UBR3: variants seen among roughly 807,000 people sequenced by gnomAD.
The protein encoded by UBR3 is E3 ubiquitin-protein ligase UBR3.
Under a neutral mutation model 243.2 loss-of-function variants are expected in UBR3, and 85 were observed. That is an observed-to-expected ratio of 0.35 (90% CI 0.29 to 0.42). The LOEUF (loss-of-function observed/expected upper bound fraction) is 0.42. Among genes scored for constraint, UBR3 ranks in the 10% least tolerant of loss-of-function variants. UBR3 has a pLI of 1.00. For synonymous variants in UBR3, 748 were observed against 799.8 expected, an observed-to-expected ratio of 0.94 and a Z score of 1.09; for missense variants, 1,686 against 2,300.8, an observed-to-expected ratio of 0.73 and a Z score of 5.47.
intron 32 of UBR3, among the ~76,000 whole-genome samples, chr2:170,054,283 C>CT (rs746480476): frequency 0.076 from 10,534 of 138,838 alleles, 431 homozygotes; most frequent in Non-Finnish European, 0.1. Flanking sequence ...CCACACCCAG[C>CT]TTTTTTTTTT....
At chr2:170,081,467 T>C (rs1165847166) in intron 38 of UBR3, among the ~76,000 whole-genome samples, 1 of 151,564 alleles carries the variant, frequency 6.6e-6, no homozygotes, top group African/African-American at 2.4e-5. Context: ...GCCACTGCAC[T>C]CCAGCCTGGG....
chr2:169,911,455 A>T (rs1177721654), intron 10 of UBR3, among the ~76,000 whole-genome samples: 1 of 152,134 alleles, frequency 6.6e-6, no homozygotes. Flanking sequence ...TTATTTTTAC[A>T]TGTGGAGAAA....
chr2:169,904,162 T>C (rs1281360561), intron 8 of UBR3, among the ~76,000 whole-genome samples: 1 of 152,188 alleles, frequency 6.6e-6, no homozygotes, highest in Non-Finnish European at 1.5e-5. Flanking sequence ...TATTTTATTG[T>C]CTCTCAAAAG....
intron 8 of UBR3, among the ~76,000 whole-genome samples, chr2:169,898,669 CTT>C (rs561412467): frequency 1.4e-4 from 18 of 128,088 alleles, no homozygotes; most frequent in Non-Finnish European, 1.8e-4. Context: ...ACTTCTTCAC[CTT>C]TTTTTTTTTT....
intron 30 of UBR3, among the ~76,000 whole-genome samples, chr2:170,017,524 CACACACACACACACACACACAG>C (rs1426199934): frequency 1.4e-4 from 2 of 14,554 alleles, no homozygotes; most frequent in Non-Finnish European, 2.0e-4. Context: ...TAATTACGGA[CACACACACACACACACACACAG>C]ACACACACAC....
chr2:169,916,302 A>G (rs1027474575), intron 11 of UBR3, among the ~76,000 whole-genome samples: 3 of 152,138 alleles, frequency 2.0e-5, no homozygotes, highest in Admixed American at 2.0e-4. Flanking sequence ...ATTATCTTTA[A>G]TATATTTACT....
intron 31 of UBR3, among the ~76,000 whole-genome samples, chr2:170,034,876 T>C (rs1311319509): frequency 6.6e-6 from 1 of 152,030 alleles, no homozygotes; most frequent in East Asian, 1.9e-4. Flanking sequence ...CTAATAGGAA[T>C]GTAGTGGTAT....
chr2:170,084,098 C>T lies in UBR3; in HGVS notation c.*2255C>T, dbSNP rs750815410. 1.1e-4 allele frequency: 17 copies of T among 152,094 alleles called. No homozygotes were observed. Among genetic ancestry groups the T allele is most frequent in the Non-Finnish European group, 2.1e-4 (14 of 67,970 alleles). 9.4% of individuals were successfully genotyped at this position (152,094 alleles called of 1,614,324 possible). On this transcript the variant is annotated 3_prime_UTR_variant, in exon 39 of 39. Coordinates refer to ENST00000272793, the MANE Select transcript of UBR3 (RefSeq NM_172070.4). Reference sequence around the variant, plus strand: ...CATTGTAAGATATGTTAATAAAAACCTGCTGTCATTTGGTTTGTGAAAGGT... The same window carrying T: ...CATTGTAAGATATGTTAATAAAAACTTGCTGTCATTTGGTTTGTGAAAGGT...
At chr2:169,875,709 A>G in intron 2 of UBR3, 82 bp from the exon 3 acceptor site, 1 of 1,221,292 alleles carries the variant, frequency 8.2e-7, no homozygotes, top group African/African-American at 1.6e-5. Flanking sequence ...TTATAATTTT[A>G]AAAGAATAAA....
chr2:169,836,657 A>T (rs2082123065), intron 1 of UBR3, among the ~76,000 whole-genome samples: 2 of 151,534 alleles, frequency 1.3e-5, no homozygotes, highest in African/African-American at 4.8e-5. Context: ...AAACCAAAAG[A>T]CACTTGGTGT....
At chr2:169,880,443 A>G (rs879747473) in intron 5 of UBR3, among the ~76,000 whole-genome samples, 35 of 152,232 alleles carry the variant, frequency 2.3e-4, no homozygotes, top group African/African-American at 8.2e-4. Flanking sequence ...TCTTCAACAC[A>G]GATGCCTTCT....
rs147119929 is a variant in UBR3 at position 169,990,716 on chromosome 2, TACAC to T, written c.3785-3577_3785-3574del. On this transcript the variant is annotated intron_variant, in intron 25 of 38. Coordinates refer to ENST00000272793, the MANE Select transcript of UBR3 (RefSeq NM_172070.4). Reference sequence around the variant, plus strand: ...GGGTAAACACTATAAAAAAAAGTTATACACACACACACACACACACACACACACA... The same window carrying T: ...GGGTAAACACTATAAAAAAAAGTTATACACACACACACACACACACACACA... Among the ~76,000 whole-genome samples the T allele has an allele frequency of 2.1e-3, 293 of 141,964 alleles. 1 individual carries two copies. The highest frequency in any genetic ancestry group is 3.2e-3 in the African/African-American group (121 of 37,394). The allele number at this position is 141,964 out of a possible 152,430, so 93.1% of individuals were successfully genotyped here.
At chr2:170,059,563 T>C (rs554723651) in intron 33 of UBR3, among the ~76,000 whole-genome samples, 93 of 152,332 alleles carry the variant, frequency 6.1e-4, no homozygotes, top group Admixed American at 9.8e-4. Flanking sequence ...GATACATTGC[T>C]GTTTTGATAT....
In UBR3 at chr2:169,977,925, G is replaced by T. The variant is rs537950308; in HGVS notation, c.3635-8720G>T. Among the ~76,000 whole-genome samples, 37 of 152,226 alleles carry T rather than the reference G, an allele frequency of 2.4e-4. No individual in the cohort carries two copies. The Middle Eastern group carries it at 0.02, about 84-fold the overall frequency. ...TATCTGTACATCTTGTGGAATTGTT[G>T]TGTCTTCTGAACTTCCTAGATTGGC... On this transcript the variant is annotated intron_variant, in intron 24 of 38. Transcript: ENST00000272793.
At chr2:169,924,830 C>T (rs149763890) in intron 13 of UBR3, among the ~76,000 whole-genome samples, 89 of 152,224 alleles carry the variant, frequency 5.8e-4, no homozygotes, top group African/African-American at 2.1e-3. Flanking sequence ...GTCAAGAAAT[C>T]GAGACCATCC....
Position 169,881,275 on chromosome 2 carries a change from G to A in UBR3, c.1038+2701G>A, listed in dbSNP as rs185110375. The stretch of plus-strand genomic sequence containing the variant: ...GCTCACTGCAACCTCCACCTCCCGG[G>A]TTCAAGCGATTCTCCTGCCTCAGCC... On this transcript the variant is annotated intron_variant, in intron 5 of 38. Transcript: ENST00000272793. 3.3e-3 allele frequency among the ~76,000 whole-genome samples: 504 copies of A among 151,946 alleles called. 1 individual carries two copies. The highest frequency in any genetic ancestry group is 6.8e-3 in the Middle Eastern group (2 of 292).
chr2:169,925,881 T>G (rs1559100341), intron 14 of UBR3, 134 bp downstream of exon 14: 2 of 887,716 alleles, frequency 2.3e-6, no homozygotes, highest in African/African-American at 3.5e-5. Context: ...TTACTTACAT[T>G]TCCCAGGAGA....
Position 169,875,867 on chromosome 2 carries a change from C to T in UBR3, c.762C>T (p.Asp254=), listed in dbSNP as rs2083587017. Residue 254 remains aspartate (D), a synonymous_variant, in exon 3 of 39, where the codon GAC becomes GAT. Coordinates refer to ENST00000272793, the MANE Select transcript of UBR3 (RefSeq NM_172070.4). ...LLEPQISFLE[D]LTKMGGAMRS... ...AACCTCAAATTTCCTTTTTAGAAGACCTGACTAAAATGGGAGGAGCAATGC... is the reference window on the plus strand; with the variant it reads ...AACCTCAAATTTCCTTTTTAGAAGATCTGACTAAAATGGGAGGAGCAATGC... 1 of 1,549,836 alleles carries T rather than the reference C, an allele frequency of 6.5e-7. No individual in the cohort carries two copies. Among genetic ancestry groups the T allele is most frequent in the Non-Finnish European group, 8.7e-7 (1 of 1,146,104 alleles).
Position 169,895,180 on chromosome 2 carries a change from G to C in UBR3, c.1106-1G>C. On this transcript the variant is annotated splice_acceptor_variant, in intron 6 of 38. Transcript: ENST00000272793. LOFTEE classifies it high-confidence loss of function. ...TGATAAATTTCATTTTTCATGTGCA[G>C]ATCAATCCATAATGGATGTTTTGAA... 1 of 1,512,848 alleles carries C rather than the reference G, an allele frequency of 6.6e-7. No individual in the cohort carries two copies. The highest frequency in any genetic ancestry group is 8.8e-7 in the Non-Finnish European group (1 of 1,136,152). 93.7% of individuals were successfully genotyped at this position (1,512,848 alleles called of 1,614,324 possible). A position where few individuals can be genotyped will look rare whatever the true frequency, so the allele number is the denominator to read the frequency against.
Sources: gnomAD v4.1 joint callset for allele counts (sites outside exome capture counted in the v4.1 genomes callset) on GRCh38, gnomAD v4.1.1 for gene constraint, MANE v1.5 for transcripts, NCBI Gene and HGNC (gene_info 2026-07-23, HGNC 2026-07-21) for gene names.